Variants in SYCP1 observed in about 807,000 individuals in gnomAD.
SYCP1 encodes the protein cancer/testis antigen 8.
A neutral mutation model predicts 153.1 loss-of-function variants in SYCP1; 64 were observed. The ratio of observed to expected loss-of-function variants is 0.42; its 90% CI spans 0.34 to 0.51. SYCP1 has a LOEUF of 0.51. Ranked by LOEUF, SYCP1 falls within the 20% of genes least tolerant of loss-of-function variation. The pLI is 0.06. For missense variants in SYCP1, 997 were observed against 1,049.0 expected (o/e 0.95, Z 0.68); for synonymous variants, 384 against 341.8 (o/e 1.12, Z -1.36).
At chr1:114,979,067 A>G (rs1177075660) in intron 28 of SYCP1, among the ~76,000 whole-genome samples, 1 of 151,418 alleles carries the variant, frequency 6.6e-6, no homozygotes, top group African/African-American at 2.4e-5. Flanking sequence ...CTAGATATAT[A>G]TGTTGGAAAA....
intron 20 of SYCP1, among the ~76,000 whole-genome samples, chr1:114,921,020 G>A (rs188657589): frequency 6.6e-5 from 10 of 151,970 alleles, no homozygotes; most frequent in African/African-American, 9.6e-5. Context: ...TAGCCATTTC[G>A]TTATTTGTTT....
intron 27 of SYCP1, among the ~76,000 whole-genome samples, chr1:114,958,648 C>T (rs184197169): frequency 6.0e-5 from 9 of 150,512 alleles, no homozygotes; most frequent in Non-Finnish European, 7.4e-5. Flanking sequence ...AGGCCGGGTG[C>T]GGTGGCCCAT....
At chr1:114,896,141 T>C (rs1667047058) in intron 16 of SYCP1, among the ~76,000 whole-genome samples, 1 of 152,192 alleles carries the variant, frequency 6.6e-6, no homozygotes, top group African/African-American at 2.4e-5. Flanking sequence ...GAATTTGTCT[T>C]GCATACTGCA....
intron 14 of SYCP1, 30 bp from the exon 15 acceptor site, chr1:114,887,596 T>C (rs749165576): frequency 2.0e-5 from 28 of 1,422,484 alleles, no homozygotes; most frequent in Non-Finnish European, 1.6e-5. Context: ...TAAAATAATA[T>C]TTTGTATTGA....
At chr1:114,929,940 A>G (rs1390476474) in intron 23 of SYCP1, among the ~76,000 whole-genome samples, 1 of 152,092 alleles carries the variant, frequency 6.6e-6, no homozygotes, top group African/African-American at 2.4e-5. Context: ...CTACATGCTG[A>G]GCCATAAACA....
At chr1:114,862,060 C>A (rs201979972) in intron 8 of SYCP1, among the ~76,000 whole-genome samples, 2 of 152,030 alleles carry the variant, frequency 1.3e-5, no homozygotes, top group African/African-American at 4.8e-5. Flanking sequence ...CTCAGCCTCT[C>A]AAAATGCTGG....
chr1:114,864,491 C>CT lies in SYCP1; in HGVS notation c.598+3689dup, dbSNP rs200038949. Among the ~76,000 whole-genome samples the CT allele has an allele frequency of 4.8e-3, 729 of 151,672 alleles. 8 individuals are homozygous for CT. Among genetic ancestry groups the CT allele is most frequent in the African/African-American group, 0.016 (680 of 41,338 alleles). Reference sequence around the variant, plus strand: ...GGATACTTTTTTCTTTCTTTCTTTTCTTTTTTTGATGGGGGGTGGGGTGGT... The same window carrying CT: ...GGATACTTTTTTCTTTCTTTCTTTTCTTTTTTTTGATGGGGGGTGGGGTGGT... On this transcript the variant is annotated intron_variant, in intron 8 of 31. Transcript: ENST00000369522.
intron 8 of SYCP1, 61 bp from the exon 9 acceptor site, chr1:114,874,445 G>A (rs1385930855): frequency 2.1e-6 from 2 of 969,636 alleles, no homozygotes; most frequent in East Asian, 5.0e-5. Flanking sequence ...GGCATTTTGA[G>A]TATTGTCTTG....
chr1:114,933,650 C>A (rs2101771123), intron 23 of SYCP1, among the ~76,000 whole-genome samples: 1 of 152,246 alleles, frequency 6.6e-6, no homozygotes, highest in East Asian at 1.9e-4. Flanking sequence ...AAGCTAAAAA[C>A]CTTGAGAAAA....
At chr1:114,985,224 G>C (rs1673421108) in intron 30 of SYCP1, among the ~76,000 whole-genome samples, 1 of 151,912 alleles carries the variant, frequency 6.6e-6, no homozygotes, top group South Asian at 2.1e-4. Flanking sequence ...TGCCAAATCT[G>C]TTATTTAGGC....
At position 114,860,754 on chromosome 1, in the gene SYCP1, T is replaced by G; in HGVS notation, c.543T>G (p.His181Gln). 6.3e-7 allele frequency: 1 copy of G among 1,596,316 alleles called. No homozygotes were observed. Among genetic ancestry groups the G allele is most frequent in the Non-Finnish European group, 8.5e-7 (1 of 1,173,980 alleles). The change falls in exon 8 of 32, where the codon CAT becomes CAG. Residue 181 changes from histidine to glutamine, a missense_variant. Physicochemically the swap from His to Gln is conservative, Grantham distance 24. Transcript: ENST00000369522. ...GTTTCAGGAATAATGCCACAAGGCA[T>G]TTATGTAATCTACTCAAAGAAACCT... The part of the protein sequence containing the change: ...DLIKENNATR[H>Q]LCNLLKETCA...
At chr1:114,952,417 G>A (rs1671167868) in intron 27 of SYCP1, among the ~76,000 whole-genome samples, 1 of 152,098 alleles carries the variant, frequency 6.6e-6, no homozygotes, top group Non-Finnish European at 1.5e-5. Flanking sequence ...CAGTGTATTA[G>A]TCTATTCTCA....
chr1:114,914,329 TA>T lies in SYCP1; in HGVS notation c.1718+288del, dbSNP rs1295766879. Among the ~76,000 whole-genome samples, 3 of 151,962 alleles carry T rather than the reference TA, an allele frequency of 2.0e-5. No individual in the cohort carries two copies. In the East Asian group the frequency reaches 5.8e-4, roughly 29 times the overall value. ...AAGAAAATATATTAATCACATTTAA[TA>T]AAATATAGAAATCTTAAAAATTACT... On this transcript the variant is annotated intron_variant, in intron 20 of 31. Transcript: ENST00000369522.
intron 15 of SYCP1, among the ~76,000 whole-genome samples, chr1:114,889,796 G>T (rs1164665595): frequency 6.6e-6 from 1 of 152,084 alleles, no homozygotes; most frequent in Non-Finnish European, 1.5e-5. Context: ...GTCCTGAATG[G>T]TATTACCTAG....
chr1:114,936,117 C>T (rs1006882989), intron 23 of SYCP1, among the ~76,000 whole-genome samples: 1 of 152,144 alleles, frequency 6.6e-6, no homozygotes. Context: ...AATTTTAGAC[C>T]AATATCCCTG....
At chr1:114,988,347 A>G (rs940668721) in intron 30 of SYCP1, among the ~76,000 whole-genome samples, 2 of 152,002 alleles carry the variant, frequency 1.3e-5, no homozygotes, top group African/African-American at 2.4e-5. Flanking sequence ...AAACTCCAAA[A>G]AGCCCCCATC....
chr1:114,968,294 C>G (rs1226328674), intron 27 of SYCP1, among the ~76,000 whole-genome samples: 1 of 152,202 alleles, frequency 6.6e-6, no homozygotes, highest in African/African-American at 2.4e-5. Context: ...GTTCCATTCT[C>G]CCTGTCACTT....
At chr1:114,857,394 T>C in intron 4 of SYCP1, 50 bp from the exon 5 acceptor site, 1 of 1,538,062 alleles carries the variant, frequency 6.5e-7, no homozygotes, top group Non-Finnish European at 8.8e-7. Context: ...TGTTATTATT[T>C]AGAAGCTCTT....
At chr1:114,859,191 G>A (rs360616) in intron 6 of SYCP1, among the ~76,000 whole-genome samples, 3 of 151,944 alleles carry the variant, frequency 2.0e-5, no homozygotes, top group Non-Finnish European at 2.9e-5. Flanking sequence ...TGGTTCAAGC[G>A]ATTCTTCTGC....
Sources: allele counts gnomAD v4.1 joint callset (sites outside exome capture counted in the v4.1 genomes callset), GRCh38; gene constraint gnomAD v4.1.1; transcripts MANE v1.5; gene names NCBI Gene and HGNC (gene_info 2026-07-23, HGNC 2026-07-21).